The following PTPRD variants were observed in gnomAD, a reference collection of about 807,000 sequenced individuals.
PTPRD encodes protein tyrosine phosphatase receptor type D.
Under a neutral mutation model 214.5 loss-of-function variants are expected in PTPRD, and 34 were observed. That is an observed-to-expected ratio of 0.16 (90% CI 0.12 to 0.21). The LOEUF (loss-of-function observed/expected upper bound fraction) is 0.21. PTPRD is among the 10% of genes least tolerant of loss of function. The pLI is 1.00. For missense variants in PTPRD, 2,545 were observed against 2,398.7 expected (o/e 1.06, Z -1.27); for synonymous variants, 1,128 against 845.7 (o/e 1.33, Z -5.79).
At chr9:8,866,934 G>A (rs907600190) in intron 11 of PTPRD, among the ~76,000 whole-genome samples, 2 of 152,116 alleles carry the variant, frequency 1.3e-5, no homozygotes, top group South Asian at 2.1e-4. Flanking sequence ...TGACCAGTTC[G>A]ATCCATTAAT....
chr9:8,381,026 C>G (rs10758968), intron 37 of PTPRD, among the ~76,000 whole-genome samples: 1 of 151,958 alleles, frequency 6.6e-6, no homozygotes, highest in Non-Finnish European at 1.5e-5. Flanking sequence ...TAATCCAAAA[C>G]GTATTTGCCA....
intron 3 of PTPRD, among the ~76,000 whole-genome samples, chr9:10,073,378 A>C (rs2098070345): frequency 6.6e-6 from 1 of 152,122 alleles, no homozygotes; most frequent in Admixed American, 6.6e-5. Flanking sequence ...GAAATTTCAC[A>C]TAAATACTAT....
chr9:9,527,459 T>A (rs1295961918), intron 8 of PTPRD, among the ~76,000 whole-genome samples: 1 of 152,212 alleles, frequency 6.6e-6, no homozygotes, highest in Non-Finnish European at 1.5e-5. Context: ...TGTCTCTTCA[T>A]CAGAAAATAA....
At chr9:8,857,695 T>G (rs1038624870) in intron 11 of PTPRD, 1 of 158,544 alleles carries the variant, frequency 6.3e-6, no homozygotes, top group Non-Finnish European at 1.4e-5. Flanking sequence ...CCGCCAACAC[T>G]TTCCTCCAGC....
chr9:10,284,137 T>C lies in PTPRD; in HGVS notation c.-545+56826A>G, dbSNP rs1461824788. Among the ~76,000 whole-genome samples the C allele has an allele frequency of 2.0e-5, 3 of 152,196 alleles. No homozygotes were observed. In the East Asian group the frequency reaches 5.8e-4, roughly 29 times the overall value. ...TTGAGATTGGATTTTTCCTACAAAT[T>C]CTGTGGAGTTAGGTGTCCTAGTCTT... is the stretch of plus-strand genomic sequence containing the variant. On this transcript the variant is annotated intron_variant, in intron 3 of 45. Coordinates refer to ENST00000381196, the MANE Select transcript of PTPRD (RefSeq NM_002839.4).
intron 8 of PTPRD, among the ~76,000 whole-genome samples, chr9:9,507,383 G>C (rs2096595390): frequency 6.6e-6 from 1 of 151,096 alleles, no homozygotes; most frequent in Non-Finnish European, 1.5e-5. Context: ...TTCTTGGATT[G>C]TCTGAATTGT....
At chr9:10,092,299 T>G (rs2098440105) in intron 3 of PTPRD, among the ~76,000 whole-genome samples, 1 of 151,382 alleles carries the variant, frequency 6.6e-6, no homozygotes, top group South Asian at 2.1e-4. Flanking sequence ...CTTAATAAAT[T>G]TTAGGTATCA....
At chr9:10,579,923 T>C (rs2071089635) in intron 2 of PTPRD, among the ~76,000 whole-genome samples, 1 of 152,188 alleles carries the variant, frequency 6.6e-6, no homozygotes, top group Non-Finnish European at 1.5e-5. Context: ...AAGAAGTGTC[T>C]ATTCATGCCC....
At chr9:9,968,171 G>T (rs929068159) in intron 4 of PTPRD, among the ~76,000 whole-genome samples, 13 of 152,232 alleles carry the variant, frequency 8.5e-5, no homozygotes, top group African/African-American at 3.1e-4. Context: ...ATGAAACCAT[G>T]AAGCCACAAT....
intron 2 of PTPRD, among the ~76,000 whole-genome samples, chr9:10,513,192 G>A (rs1197257528): frequency 2.0e-5 from 3 of 152,074 alleles, no homozygotes; most frequent in African/African-American, 7.2e-5. Context: ...ATGTGTGTGT[G>A]TGTGTGTGTG....
At chr9:8,650,873 ATT>A (rs954090645) in intron 12 of PTPRD, among the ~76,000 whole-genome samples, 1 of 149,474 alleles carries the variant, frequency 6.7e-6, no homozygotes, top group African/African-American at 2.5e-5. Context: ...TAAATTTAGC[ATT>A]CTTTTTTTTT....
chr9:10,490,197 T>G (rs1392706701), intron 2 of PTPRD, among the ~76,000 whole-genome samples: 1 of 152,186 alleles, frequency 6.6e-6, no homozygotes, highest in Non-Finnish European at 1.5e-5. Context: ...TATCAACATT[T>G]AAATTGGTAG....
At chr9:8,589,236 A>G (rs1431643676) in intron 14 of PTPRD, among the ~76,000 whole-genome samples, 1 of 152,208 alleles carries the variant, frequency 6.6e-6, no homozygotes, top group African/African-American at 2.4e-5. Context: ...CCAAACAAGC[A>G]TCTTCAGGAA....
At chr9:9,330,682 TAATC>T (rs1005389193) in intron 9 of PTPRD, among the ~76,000 whole-genome samples, 1 of 152,002 alleles carries the variant, frequency 6.6e-6, no homozygotes, top group African/African-American at 2.4e-5. Flanking sequence ...TGTCCTAGGA[TAATC>T]AATACCCTTA....
chr9:10,029,476 T>G (rs1378363818), intron 4 of PTPRD, among the ~76,000 whole-genome samples: 1 of 152,174 alleles, frequency 6.6e-6, no homozygotes, highest in East Asian at 1.9e-4. Context: ...GGGGCAGCCA[T>G]GGGAACCCAT....
chr9:8,472,060 C>T (rs1158866931), intron 30 of PTPRD, among the ~76,000 whole-genome samples: 1 of 152,064 alleles, frequency 6.6e-6, no homozygotes, highest in Non-Finnish European at 1.5e-5. Flanking sequence ...TAGGTATAGC[C>T]TATAAGGCTA....
At chr9:8,373,187 A>C (rs1215772660) in intron 39 of PTPRD, among the ~76,000 whole-genome samples, 1 of 151,978 alleles carries the variant, frequency 6.6e-6, no homozygotes, top group Non-Finnish European at 1.5e-5. Flanking sequence ...ACTGTCATTT[A>C]AGAATGACTT....
chr9:9,753,212 A>G (rs1443782128), intron 6 of PTPRD, among the ~76,000 whole-genome samples: 1 of 152,062 alleles, frequency 6.6e-6, no homozygotes, highest in Non-Finnish European at 1.5e-5. Context: ...TGAGGGGCCC[A>G]GTACAGAATC....
intron 3 of PTPRD, among the ~76,000 whole-genome samples, chr9:10,301,042 C>T (rs1287541994): frequency 6.6e-6 from 1 of 152,128 alleles, no homozygotes; most frequent in Non-Finnish European, 1.5e-5. Context: ...GCAATTGCCC[C>T]TCTGGGATGA....
Sources: allele counts gnomAD v4.1 joint callset (sites outside exome capture counted in the v4.1 genomes callset), GRCh38; gene constraint gnomAD v4.1.1; transcripts MANE v1.5; gene names NCBI Gene and HGNC (gene_info 2026-07-23, HGNC 2026-07-21).